Variants in KIR2DL1 observed in about 807,000 individuals in gnomAD.
KIR2DL1 encodes the protein killer cell immunoglobulin like receptor, two Ig domains and long cytoplasmic tail 1.
KIR2DL1 carries 38 observed loss-of-function variants against 33.9 expected under a neutral mutation model. The observed-to-expected ratio is 1.12, with a 90% CI of 0.86 to 1.47. The LOEUF is 1.47. Ranked by LOEUF, KIR2DL1 falls within the 40% of genes most tolerant of loss-of-function variation. The probability of loss-of-function intolerance (pLI) is 0.00; values close to 1 mark genes in which losing one functional copy is unlikely to be tolerated. For synonymous variants in KIR2DL1, 179 were observed against 165.9 expected, an observed-to-expected ratio of 1.08 and a Z score of -0.61; for missense variants, 531 against 433.9, an observed-to-expected ratio of 1.22 and a Z score of -1.99.
chr19:54,777,029 C>G (rs2076431456), intron 4 of KIR2DL1, among the ~76,000 whole-genome samples: 1 of 151,852 alleles, frequency 6.6e-6, no homozygotes, highest in African/African-American at 2.4e-5. Context: ...CCAGGGTTCT[C>G]CTTTCTCTAC....
chr19:54,778,042 C>T (rs1303261550), intron 4 of KIR2DL1, among the ~76,000 whole-genome samples: 2 of 147,576 alleles, frequency 1.4e-5, no homozygotes, highest in Non-Finnish European at 3.0e-5. Flanking sequence ...GGGTGGATCA[C>T]CTGAGGCCAG....
In KIR2DL1 at chr19:54,778,907, C is replaced by A. The variant is rs1462872053; in HGVS notation, c.715+245C>A. ...GCTAGAAGAATGATTGCCAATCTGACATCCTTCTCAGGAAAAATGCAATGT... is the reference window on the plus strand; with the variant it reads ...GCTAGAAGAATGATTGCCAATCTGAAATCCTTCTCAGGAAAAATGCAATGT... On this transcript the variant is annotated intron_variant, in intron 5 of 7. Transcript: ENST00000336077. Among the ~76,000 whole-genome samples the A allele has an allele frequency of 1.3e-5, 2 of 148,608 alleles. 1 individual carries two copies.
At chr19:54,780,510 G>A (rs1371660032) in intron 5 of KIR2DL1, among the ~76,000 whole-genome samples, 2 of 143,430 alleles carry the variant, frequency 1.4e-5, no homozygotes, top group African/African-American at 2.6e-5. Context: ...GTGTGTGTTT[G>A]ACACTCACAG....
intron 5 of KIR2DL1, among the ~76,000 whole-genome samples, chr19:54,779,300 T>C (rs200050397): frequency 0.024 from 2,593 of 109,230 alleles, 1 homozygote; most frequent in African/African-American, 0.04. Flanking sequence ...AAGTGCATCT[T>C]ACTGGGCTAA....
In KIR2DL1 at chr19:54,776,235, T is replaced by TTA. The variant is rs1433732502; in HGVS notation, c.664+778_664+779insAT. Among the ~76,000 whole-genome samples, 2 of 104,814 alleles carry TTA rather than the reference T, an allele frequency of 1.9e-5. 1 individual carries two copies. Among genetic ancestry groups the TTA allele is most frequent in the Non-Finnish European group, 4.5e-5 (2 of 44,578 alleles). 68.8% of individuals were successfully genotyped at this position (104,814 alleles called of 152,430 possible). On this transcript the variant is annotated intron_variant, in intron 4 of 7. Coordinates refer to ENST00000336077, the MANE Select transcript of KIR2DL1 (RefSeq NM_014218.3). Reference sequence around the variant, plus strand: ...TAAAGTCTAGTGGTCATAAATACATTTTTATATATATATATATATACATTT... The same window carrying TTA: ...TAAAGTCTAGTGGTCATAAATACATTTATTTATATATATATATATATACATTT...
chr19:54,773,777 A>C (rs2076036263), intron 3 of KIR2DL1, 145 bp downstream of exon 3: 1 of 925,108 alleles, frequency 1.1e-6, no homozygotes, highest in African/African-American at 1.7e-5. Flanking sequence ...GCCAACAGAG[A>C]CAGAGAAACA....
chr19:54,770,656 G>A (rs1336759848), intron 1 of KIR2DL1, among the ~76,000 whole-genome samples, 193 bp from the exon 2 acceptor site: 4 of 148,162 alleles, frequency 2.7e-5, no homozygotes, highest in Admixed American at 1.4e-4. Context: ...TGGGCTTGAG[G>A]TGGGGATATG....
Position 54,769,891 on chromosome 19 carries a change from C to A in KIR2DL1, c.34+7C>A, listed in dbSNP as rs755991231. Reference sequence around the variant, plus strand: ...GTCAGCATGGCGTGTGTTGGTGAGTCCTGGAAAGCAATAGAGGGAGGGAGT... The same window carrying A: ...GTCAGCATGGCGTGTGTTGGTGAGTACTGGAAAGCAATAGAGGGAGGGAGT... On this transcript the variant is annotated splice_region_variant and intron_variant, in intron 1 of 7. Transcript: ENST00000336077. 7 of 1,567,014 alleles carry A rather than the reference C, an allele frequency of 4.5e-6. 1 individual carries two copies. In the Admixed American group the frequency reaches 5.2e-5, roughly 12 times the overall value.
intron 2 of KIR2DL1, among the ~76,000 whole-genome samples, chr19:54,772,049 A>G (rs1331842713): frequency 3.4e-5 from 5 of 147,172 alleles, no homozygotes; most frequent in Non-Finnish European, 7.6e-5. Context: ...GGTGGGAAGA[A>G]TAATTGTCCC....
At chr19:54,778,334 A>T (rs1380557208) in intron 4 of KIR2DL1, among the ~76,000 whole-genome samples, 1 of 149,344 alleles carries the variant, frequency 6.7e-6, no homozygotes, top group Non-Finnish European at 1.5e-5. Context: ...CCGTTGTTCT[A>T]TGTGCCTTTC....
chr19:54,770,374 A>G (rs1366986612), intron 1 of KIR2DL1, among the ~76,000 whole-genome samples: 1 of 131,918 alleles, frequency 7.6e-6, no homozygotes, highest in East Asian at 2.3e-4. Flanking sequence ...CTAGAGGTCG[A>G]TATCTGGGCC....
At chr19:54,769,943 G>C in intron 1 of KIR2DL1, 59 bp downstream of exon 1, 2 of 1,550,744 alleles carry the variant, frequency 1.3e-6, no homozygotes, top group Non-Finnish European at 1.8e-6. Flanking sequence ...GGGCCCAGAG[G>C]TGGAGATATA....
intron 4 of KIR2DL1, among the ~76,000 whole-genome samples, chr19:54,777,143 T>C (rs1358789700): frequency 1.3e-5 from 2 of 151,058 alleles, no homozygotes; most frequent in African/African-American, 2.4e-5. Flanking sequence ...CAGGCTGGAG[T>C]GCAGTGGCGC....
At chr19:54,777,270 T>C (rs1485214699) in intron 4 of KIR2DL1, among the ~76,000 whole-genome samples, 3 of 148,856 alleles carry the variant, frequency 2.0e-5, no homozygotes, top group East Asian at 1.9e-4. Flanking sequence ...TTTGTATTTT[T>C]AGTAGAGACA....
intron 1 of KIR2DL1, among the ~76,000 whole-genome samples, chr19:54,770,346 A>G (rs1405501852): frequency 9.0e-6 from 1 of 110,974 alleles, no homozygotes; most frequent in South Asian, 3.2e-4. Flanking sequence ...GATATGGGCC[A>G]GGAGTGGAGA....
chr19:54,773,552 C>T lies in KIR2DL1; in HGVS notation c.290C>T (p.Thr97Ile). 1 of 1,582,644 alleles carries T rather than the reference C, an allele frequency of 6.3e-7. No individual in the cohort carries two copies. The change falls in exon 3 of 8, where the codon ACC becomes ATC. Residue 97 changes from threonine to isoleucine, a missense_variant. Thr to Ile is a moderately conservative substitution (Grantham distance 89). Transcript: ENST00000336077. ...ISRMTQDLAG[T>I]YRCYGSVTHS... ...CGCATGACGCAAGACCTGGCAGGGA[C>T]CTACAGATGCTACGGTTCTGTTACT...
chr19:54,770,788 G>A, intron 1 of KIR2DL1, 61 bp from the exon 2 acceptor site: 1 of 1,567,430 alleles, frequency 6.4e-7, no homozygotes, highest in Non-Finnish European at 8.8e-7. Flanking sequence ...GCCCAGTGGG[G>A]GCAGCAAGGG....
rs960941427 is a variant in KIR2DL1, at chr19:54,771,552, C to G, written c.70+668C>G. ...GAAAGCGAGGAGAATCTTCAGAGCA[C>G]AGGGAGGGAGGGGCGGCTCCACATC... On this transcript the variant is annotated intron_variant, in intron 2 of 7. Transcript: ENST00000336077. Among the ~76,000 whole-genome samples, 30 of 147,200 alleles carry G rather than the reference C, an allele frequency of 2.0e-4. 2 individuals carry two copies. Among genetic ancestry groups the G allele is most frequent in the African/African-American group, 7.5e-4 (30 of 40,186 alleles).
Position 54,769,847 on chromosome 19 carries a change from C to T in KIR2DL1, c.-4C>T. ...CGCGGCTGCCTGTCTGCTCCGGCAGCACCATGTCGCTCTTGGTCGTCAGCA... is the reference window on the plus strand; with the variant it reads ...CGCGGCTGCCTGTCTGCTCCGGCAGTACCATGTCGCTCTTGGTCGTCAGCA... On this transcript the variant is annotated 5_prime_UTR_variant, in exon 1 of 8. Transcript: ENST00000336077. 1 of 1,570,070 alleles carries T rather than the reference C, an allele frequency of 6.4e-7. No individual in the cohort carries two copies. The highest frequency in any genetic ancestry group is 8.7e-7 in the Non-Finnish European group (1 of 1,147,360).
Sources: gnomAD v4.1 joint callset for allele counts (sites outside exome capture counted in the v4.1 genomes callset) on GRCh38, gnomAD v4.1.1 for gene constraint, MANE v1.5 for transcripts, NCBI Gene and HGNC (gene_info 2026-07-23, HGNC 2026-07-21) for gene names.